Variants in SORBS2 observed in about 807,000 individuals in gnomAD.
SORBS2 encodes sorbin and SH3 domain-containing protein 2.
Under a neutral mutation model 97.7 loss-of-function variants are expected in SORBS2, and 46 were observed. The ratio of observed to expected loss-of-function variants is 0.47; its 90% CI spans 0.37 to 0.60. The LOEUF is 0.60. SORBS2 is among the 20% of genes least tolerant of loss of function. The probability of loss-of-function intolerance (pLI) is 0.00; values close to 1 mark genes in which losing one functional copy is unlikely to be tolerated. For synonymous variants in SORBS2, 476 were observed against 473.4 expected (o/e 1.01, Z -0.07); for missense variants, 1,316 against 1,282.3 (o/e 1.03, Z -0.40).
chr4:185,876,724 C>T (rs1435991405), intron 1 of SORBS2, among the ~76,000 whole-genome samples: 3 of 152,170 alleles, frequency 2.0e-5, no homozygotes, highest in Non-Finnish European at 2.9e-5. Context: ...TATGGCAGAA[C>T]TTGGAAGTAG....
chr4:185,720,395 G>A (rs1476838228), intron 2 of SORBS2, among the ~76,000 whole-genome samples: 1 of 152,134 alleles, frequency 6.6e-6, no homozygotes, highest in Non-Finnish European at 1.5e-5. Context: ...ATTAAACTCT[G>A]TATTCCTTCT....
chr4:185,856,718 G>A (rs961356064), intron 1 of SORBS2, among the ~76,000 whole-genome samples: 26 of 152,116 alleles, frequency 1.7e-4, no homozygotes, highest in African/African-American at 6.3e-4. Context: ...TCATTCTCAG[G>A]TTGCTATAAG....
chr4:185,702,257 G>A (rs1442579379), intron 2 of SORBS2, among the ~76,000 whole-genome samples: 2 of 152,158 alleles, frequency 1.3e-5, no homozygotes, highest in Admixed American at 6.5e-5. Context: ...TTTTAGAGAG[G>A]CCTCATGATG....
At chr4:185,846,194 A>G (rs1270583675) in intron 1 of SORBS2, among the ~76,000 whole-genome samples, 3 of 152,248 alleles carry the variant, frequency 2.0e-5, no homozygotes, top group Non-Finnish European at 2.9e-5. Flanking sequence ...TGGTACATCC[A>G]TACAACAGAA....
At chr4:185,600,093 C>T (rs146684307) in intron 12 of SORBS2, among the ~76,000 whole-genome samples, 60 of 152,312 alleles carry the variant, frequency 3.9e-4, no homozygotes, top group African/African-American at 1.4e-3. Context: ...CTCTCATCTT[C>T]GTCACACAGA....
chr4:185,924,367 G>A (rs1241196719), intron 1 of SORBS2, among the ~76,000 whole-genome samples: 1 of 150,868 alleles, frequency 6.6e-6, no homozygotes, highest in South Asian at 2.1e-4. Context: ...GAGTTAATAA[G>A]AAATTATTTT....
At chr4:185,881,610 C>G (rs2099236916) in intron 1 of SORBS2, among the ~76,000 whole-genome samples, 1 of 152,138 alleles carries the variant, frequency 6.6e-6, no homozygotes, top group African/African-American at 2.4e-5. Context: ...AAAATGCCAA[C>G]AACTTCTGAC....
intron 2 of SORBS2, among the ~76,000 whole-genome samples, chr4:185,759,724 A>C (rs34636974): frequency 0.075 from 11,406 of 152,176 alleles, 683 homozygotes; most frequent in East Asian, 0.2. Flanking sequence ...AGTGATAAAT[A>C]TTCAAAGATA....
At chr4:185,919,166 C>T (rs1469072118) in intron 1 of SORBS2, 2 of 152,158 alleles carry the variant, frequency 1.3e-5, no homozygotes, top group Non-Finnish European at 2.9e-5. Context: ...ATAGTTAACC[C>T]ATCTTCTAAA....
chr4:185,602,523 T>C (rs2096286669), intron 12 of SORBS2, among the ~76,000 whole-genome samples: 1 of 152,236 alleles, frequency 6.6e-6, no homozygotes, highest in African/African-American at 2.4e-5. Flanking sequence ...GAAAACACTT[T>C]AAAGAATGAA....
chr4:185,677,651 T>C (rs938339397), intron 4 of SORBS2: 9 of 1,485,112 alleles, frequency 6.1e-6, no homozygotes, highest in Non-Finnish European at 2.7e-6. Context: ...GGATTGACAA[T>C]GGGATCCAGA....
rs114489308 is a variant in SORBS2 at position 185,671,682 on chromosome 4, C to T, written c.-46+6741G>A. On this transcript the variant is annotated intron_variant, in intron 4 of 20. Transcript: ENST00000284776. ...AGCAGGGTAGGGAAGAGAAGGATCA[C>T]GTGAACACTGTCAGATAGAGGCGGA... 4.6e-3 allele frequency among the ~76,000 whole-genome samples: 704 copies of T among 152,316 alleles called. 6 individuals carry two copies. Among genetic ancestry groups the T allele is most frequent in the African/African-American group, 0.016 (675 of 41,576 alleles).
chr4:185,587,546 G>A, exon 15 of SORBS2: 1 of 1,250,440 alleles, frequency 8.0e-7, no homozygotes. Context: ...GCATGACAAC[G>A]GGAGGCCCGC....
At chr4:185,703,576 G>A (rs1052896614) in intron 2 of SORBS2, among the ~76,000 whole-genome samples, 1 of 152,132 alleles carries the variant, frequency 6.6e-6, no homozygotes, top group African/African-American at 2.4e-5. Flanking sequence ...GCCATAACTT[G>A]CTAAATGACA....
intron 12 of SORBS2, among the ~76,000 whole-genome samples, chr4:185,603,618 T>C (rs2096328001): frequency 6.6e-6 from 1 of 152,184 alleles, no homozygotes; most frequent in Non-Finnish European, 1.5e-5. Context: ...AGACTGAATG[T>C]GAGGGTGAGC....
chr4:185,651,654 A>G, intron 2 of SORBS2, 130 bp downstream of exon 11: 1 of 698,176 alleles, frequency 1.4e-6, no homozygotes, highest in Non-Finnish European at 2.6e-6. Context: ...AGAAAAGAAA[A>G]GAAATCCTCC....
chr4:185,704,832 T>C (rs2098320032), intron 2 of SORBS2, among the ~76,000 whole-genome samples: 1 of 152,166 alleles, frequency 6.6e-6, no homozygotes, highest in African/African-American at 2.4e-5. Context: ...TTCTAGTCCT[T>C]TTGATTTTGC....
At chr4:185,717,522 G>A (rs923336187) in intron 2 of SORBS2, among the ~76,000 whole-genome samples, 2 of 152,202 alleles carry the variant, frequency 1.3e-5, no homozygotes, top group Non-Finnish European at 2.9e-5. Context: ...TAAGACGCTA[G>A]ACGGTATTAC....
chr4:185,627,547 T>C (rs548251622), intron 5 of SORBS2, among the ~76,000 whole-genome samples: 2 of 152,146 alleles, frequency 1.3e-5, no homozygotes, highest in South Asian at 2.1e-4. Flanking sequence ...AGTTTTAGGC[T>C]TACAGAAATA....
Sources: allele counts gnomAD v4.1 joint callset (sites outside exome capture counted in the v4.1 genomes callset), GRCh38; gene constraint gnomAD v4.1.1; transcripts MANE v1.5; gene names NCBI Gene and HGNC (gene_info 2026-07-23, HGNC 2026-07-21).